Variants in TBL1X observed in about 807,000 individuals in gnomAD.
The protein encoded by TBL1X is F-box-like/WD repeat-containing protein TBL1X.
In TBL1X, 10 loss-of-function variants were observed where a neutral mutation model predicts 50.7. The observed-to-expected ratio is 0.20, with a 90% confidence interval of 0.12 to 0.33. The LOEUF is 0.33. TBL1X is among the 10% of genes least tolerant of loss of function. The pLI, the probability that TBL1X is intolerant of heterozygous loss-of-function variation, is 1.00. For missense variants in TBL1X, 340 were observed against 504.4 expected, an observed-to-expected ratio of 0.67 and a Z score of 3.12; for synonymous variants, 190 against 214.7, an observed-to-expected ratio of 0.88 and a Z score of 1.01.
chrX:9,485,390 G>A (rs978367605), intron 1 of TBL1X, among the ~76,000 whole-genome samples: 2 of 112,357 alleles, frequency 1.8e-5, no homozygotes, highest in African/African-American at 6.5e-5. Context: ...TCGCATTTTT[G>A]TGTAGTCGAA....
At chrX:9,469,573 C>T (rs1318606692) in intron 1 of TBL1X, among the ~76,000 whole-genome samples, 1 of 112,412 alleles carries the variant, frequency 8.9e-6, no homozygotes, top group Admixed American at 9.4e-5. Flanking sequence ...TTTTCCTTAT[C>T]TTTTCCCTCT....
chrX:9,580,528 GGCAGGTTTGCTCTGA>G (rs1431664038), intron 2 of TBL1X, among the ~76,000 whole-genome samples: 40 of 111,857 alleles, frequency 3.6e-4, no homozygotes, highest in Non-Finnish European at 1.1e-4. Context: ...TAGAAGGGGA[GGCAGGTTTGCTCTGA>G]GCAGTTCCCA....
chrX:9,567,566 C>A (rs1044879787), intron 2 of TBL1X, among the ~76,000 whole-genome samples: 1 of 111,860 alleles, frequency 8.9e-6, no homozygotes, highest in Non-Finnish European at 1.9e-5. Context: ...CCACTCAAAC[C>A]GGTTGTCCAG....
chrX:9,465,866 G>A (rs1182600155), intron 1 of TBL1X, among the ~76,000 whole-genome samples: 2 of 113,236 alleles, frequency 1.8e-5, no homozygotes, highest in African/African-American at 6.4e-5. Flanking sequence ...GTGGAGGGCG[G>A]TGGCGGGATT....
chrX:9,606,903 T>C (rs1031629952), intron 2 of TBL1X, among the ~76,000 whole-genome samples: 1 of 112,202 alleles, frequency 8.9e-6, no homozygotes, highest in Admixed American at 9.4e-5. Flanking sequence ...TCAAGACATA[T>C]AGGAAATGTT....
chrX:9,631,400 C>T (rs1283529207), intron 2 of TBL1X, among the ~76,000 whole-genome samples: 3 of 112,329 alleles, frequency 2.7e-5, no homozygotes, highest in Non-Finnish European at 5.6e-5. Context: ...CTTTGTACCA[C>T]TTACTCTGTG....
At chrX:9,494,996 G>C (rs1344103391) in intron 1 of TBL1X, among the ~76,000 whole-genome samples, 2 of 111,363 alleles carry the variant, frequency 1.8e-5, no homozygotes, top group Non-Finnish European at 3.8e-5. Flanking sequence ...AAACACCAGA[G>C]CTGCTCCTGA....
intron 3 of TBL1X, 147 bp from the exon 4 acceptor site, chrX:9,653,398 G>A: frequency 2.3e-6 from 1 of 431,122 alleles, no homozygotes; most frequent in Non-Finnish European, 4.0e-6. Flanking sequence ...AGAAGCCCCT[G>A]AACGTTTTCC....
At chrX:9,609,336 G>GGGGTGTGTGTGT (rs1555900202) in intron 2 of TBL1X, among the ~76,000 whole-genome samples, 969 of 94,751 alleles carry the variant, frequency 0.01, 3 homozygotes, top group Middle Eastern at 0.021. Flanking sequence ...TTTTCTTCCA[G>GGGGTGTGTGTGT]GTGTGTGTGT....
At chrX:9,582,254 A>C (rs1340856739) in intron 2 of TBL1X, among the ~76,000 whole-genome samples, 1 of 111,854 alleles carries the variant, frequency 8.9e-6, no homozygotes, top group Non-Finnish European at 1.9e-5. Context: ...GATCTCCCAT[A>C]TTACGGTCAT....
intron 5 of TBL1X, among the ~76,000 whole-genome samples, chrX:9,681,104 A>C (rs1267162768): frequency 8.9e-6 from 1 of 112,115 alleles, no homozygotes; most frequent in Admixed American, 9.4e-5. Context: ...CTCAACATTA[A>C]AAACCCAGAT....
chrX:9,497,824 TTTC>T (rs2081980012), intron 1 of TBL1X, among the ~76,000 whole-genome samples: 1 of 81,691 alleles, frequency 1.2e-5, no homozygotes. Flanking sequence ...CTCTCGTTTC[TTTC>T]TTTTTTCTTT....
chrX:9,713,421 C>CTTTTTTTT lies in TBL1X; in HGVS notation c.1606-1477_1606-1476insTTTTTTTT, dbSNP rs757107084. Among the ~76,000 whole-genome samples the CTTTTTTTT allele has an allele frequency of 4.7e-4, 41 of 87,548 alleles. 2 individuals carry two copies. Among genetic ancestry groups the CTTTTTTTT allele is most frequent in the East Asian group, 9.6e-4 (2 of 2,091 alleles). 76.0% of individuals were successfully genotyped at this position (87,548 alleles called of 115,157 possible). ...TTATAAATCAAAGAAATCCTTAGGACTTTTCTTTTTTTTTTTTTTTTTTGG... is the reference window on the plus strand; with the variant it reads ...TTATAAATCAAAGAAATCCTTAGGACTTTTTTTTTTTTCTTTTTTTTTTTTTTTTTTGG... On this transcript the variant is annotated intron_variant, in intron 16 of 17. Coordinates refer to ENST00000645353, the MANE Select transcript of TBL1X (RefSeq NM_005647.4).
At chrX:9,644,877 C>T (rs2082795571) in intron 3 of TBL1X, 1 of 111,672 alleles carries the variant, frequency 9.0e-6, no homozygotes, top group African/African-American at 3.3e-5. Flanking sequence ...AGTCTGGTCT[C>T]AAACTCCTGG....
chrX:9,622,268 C>T lies in TBL1X; in HGVS notation c.-130-18005C>T, dbSNP rs528188983. ...CCATCTACCTCCAGAACTTTTTCAT[C>T]TTCCTGCACTGATTCTCCATCCCCC... is the stretch of plus-strand genomic sequence containing the variant. On this transcript the variant is annotated intron_variant, in intron 2 of 17. Coordinates refer to ENST00000645353, the MANE Select transcript of TBL1X (RefSeq NM_005647.4). 6.3e-5 allele frequency among the ~76,000 whole-genome samples: 7 copies of T among 110,910 alleles called. No homozygotes were observed. The South Asian group carries it at 1.5e-3, about 24-fold the overall frequency.
intron 3 of TBL1X, among the ~76,000 whole-genome samples, chrX:9,644,307 C>T (rs1248747175): frequency 1.8e-5 from 2 of 112,072 alleles, no homozygotes; most frequent in African/African-American, 6.5e-5. Context: ...GCTCCTGCTC[C>T]GTGGAAGCAG....
chrX:9,664,109 C>T (rs1189335283), intron 5 of TBL1X, among the ~76,000 whole-genome samples: 4 of 112,198 alleles, frequency 3.6e-5, no homozygotes, highest in Admixed American at 9.4e-5. Context: ...TGTTGATCCT[C>T]TTTGACAGTA....
intron 1 of TBL1X, among the ~76,000 whole-genome samples, chrX:9,482,514 T>C (rs2081888701): frequency 8.9e-6 from 1 of 112,248 alleles, no homozygotes; most frequent in African/African-American, 3.2e-5. Flanking sequence ...TCTCTCTTTC[T>C]AACAACATAT....
At chrX:9,653,168 GA>G (rs1172851500) in intron 3 of TBL1X, among the ~76,000 whole-genome samples, 1 of 112,832 alleles carries the variant, frequency 8.9e-6, no homozygotes, top group Non-Finnish European at 1.9e-5. Flanking sequence ...CGTCTCAAAA[GA>G]AAAAAGATGT....
Sources: gnomAD v4.1 joint callset for allele counts (sites outside exome capture counted in the v4.1 genomes callset) on GRCh38, gnomAD v4.1.1 for gene constraint, MANE v1.5 for transcripts, NCBI Gene and HGNC (gene_info 2026-07-23, HGNC 2026-07-21) for gene names.